GAS7: variants seen among roughly 807,000 people sequenced by gnomAD.
The protein encoded by GAS7 is growth arrest-specific protein 7.
In GAS7, 28 loss-of-function variants were observed where a neutral mutation model predicts 71.1. The ratio of observed to expected loss-of-function variants is 0.39; its 90% CI spans 0.29 to 0.54. The LOEUF (loss-of-function observed/expected upper bound fraction) is 0.54, where lower values mean the gene tolerates loss of function less well. Ranked by LOEUF, GAS7 falls within the 20% of genes least tolerant of loss-of-function variation. The pLI is 0.62. For synonymous variants in GAS7, 258 were observed against 245.8 expected (o/e 1.05, Z -0.46); for missense variants, 436 against 627.8 (o/e 0.69, Z 3.27).
At chr17:9,949,339 A>G (rs1288116495) in intron 5 of GAS7, among the ~76,000 whole-genome samples, 1 of 152,216 alleles carries the variant, frequency 6.6e-6, no homozygotes, top group Non-Finnish European at 1.5e-5. Flanking sequence ...ACTTTTATGC[A>G]AAGTGTCTCC....
intron 1 of GAS7, chr17:10,039,904 G>T: frequency 3.3e-6 from 1 of 299,722 alleles, no homozygotes; most frequent in South Asian, 2.5e-5. Context: ...TTCTGTGTCC[G>T]CATCCCACCT....
intron 1 of GAS7, among the ~76,000 whole-genome samples, chr17:10,046,115 C>T (rs1382395635): frequency 6.6e-6 from 1 of 152,152 alleles, no homozygotes; most frequent in Non-Finnish European, 1.5e-5. Flanking sequence ...GCAGCATCCA[C>T]AAAGTGGTTC....
At chr17:9,966,230 C>T (rs2069708612) in intron 4 of GAS7, among the ~76,000 whole-genome samples, 1 of 151,926 alleles carries the variant, frequency 6.6e-6, no homozygotes, top group South Asian at 2.1e-4. Context: ...GATCTCCTGA[C>T]CTCCTGATCT....
At chr17:10,039,675 C>G (rs2072825533) in intron 1 of GAS7, 1 of 449,948 alleles carries the variant, frequency 2.2e-6, no homozygotes, top group African/African-American at 2.0e-5. Flanking sequence ...AGAGTGAGAC[C>G]CTGTCTCAAA....
At chr17:9,929,073 T>C (rs2068115076) in intron 9 of GAS7, among the ~76,000 whole-genome samples, 1 of 152,130 alleles carries the variant, frequency 6.6e-6, no homozygotes, top group Non-Finnish European at 1.5e-5. Flanking sequence ...GCTACAAAAA[T>C]CTTGAGAGCT....
intron 1 of GAS7, among the ~76,000 whole-genome samples, chr17:10,052,170 C>G (rs1358701489): frequency 6.6e-6 from 1 of 152,140 alleles, no homozygotes; most frequent in Non-Finnish European, 1.5e-5. Context: ...GCCCCAGAAA[C>G]AAACCTGGTC....
At chr17:10,087,695 G>T (rs2073534711) in intron 1 of GAS7, among the ~76,000 whole-genome samples, 1 of 152,202 alleles carries the variant, frequency 6.6e-6, no homozygotes, top group African/African-American at 2.4e-5. Flanking sequence ...GGGTCCTGGG[G>T]GAGATTGAAC....
At chr17:9,998,649 G>T (rs745307624) in intron 2 of GAS7, among the ~76,000 whole-genome samples, 7 of 150,426 alleles carry the variant, frequency 4.7e-5, no homozygotes, top group Non-Finnish European at 1.0e-4. Flanking sequence ...CAGAAAGACA[G>T]AAAGAAGGAC....
intron 5 of GAS7, among the ~76,000 whole-genome samples, chr17:9,956,985 G>A (rs993377593): frequency 1.1e-4 from 16 of 152,208 alleles, no homozygotes; most frequent in Admixed American, 3.3e-4. Flanking sequence ...AAGGCCTGGA[G>A]ACCTGTGGGC....
At chr17:9,985,637 G>A (rs1180662800) in intron 2 of GAS7, among the ~76,000 whole-genome samples, 1 of 152,220 alleles carries the variant, frequency 6.6e-6, no homozygotes, top group Non-Finnish European at 1.5e-5. Flanking sequence ...TCTAGCTGCA[G>A]AGGCTCATAG....
At chr17:9,997,766 G>A (rs959154136) in intron 2 of GAS7, among the ~76,000 whole-genome samples, 1 of 152,238 alleles carries the variant, frequency 6.6e-6, no homozygotes, top group African/African-American at 2.4e-5. Flanking sequence ...CCACGGGTTC[G>A]ATTCCTTTGC....
intron 1 of GAS7, among the ~76,000 whole-genome samples, chr17:10,148,722 T>C (rs1333625811): frequency 6.6e-6 from 1 of 150,838 alleles, no homozygotes; most frequent in Non-Finnish European, 1.5e-5. Context: ...CCATCCTGGC[T>C]AACACGGTGA....
intron 1 of GAS7, among the ~76,000 whole-genome samples, chr17:10,186,482 T>C (rs79015029): frequency 0.055 from 8,170 of 149,630 alleles, 379 homozygotes; most frequent in East Asian, 0.16. Context: ...TGGCTCACTG[T>C]AACCTCCACC....
rs1316149654 is a variant in GAS7 at position 9,968,053 on chromosome 17, G to A, written c.471+1624C>T. The stretch of plus-strand genomic sequence containing the variant: ...TGTTTCTCATATTCTTCCTGATGAT[G>A]CCCAGGGTAACACCAGATTTCTGTC... On this transcript the variant is annotated intron_variant, in intron 4 of 13. Transcript: ENST00000432992. Among the ~76,000 whole-genome samples, 4 of 152,170 alleles carry A rather than the reference G, an allele frequency of 2.6e-5. No individual in the cohort carries two copies. The East Asian group carries it at 7.7e-4, about 29-fold the overall frequency.
chr17:10,075,402 T>C (rs2073379804), intron 1 of GAS7, among the ~76,000 whole-genome samples: 1 of 151,818 alleles, frequency 6.6e-6, no homozygotes, highest in African/African-American at 2.4e-5. Flanking sequence ...TCATACTTAA[T>C]GGAAAACCCT....
chr17:9,934,069 G>GA, intron 9 of GAS7, 97 bp downstream of exon 9: 1 of 851,184 alleles, frequency 1.2e-6, no homozygotes, highest in African/African-American at 1.6e-5. Context: ...TTACACCAGG[G>GA]AAAATGGCAA....
intron 1 of GAS7, among the ~76,000 whole-genome samples, chr17:10,081,891 A>G (rs1376175589): frequency 6.6e-6 from 1 of 152,190 alleles, no homozygotes; most frequent in Non-Finnish European, 1.5e-5. Context: ...TCAGACCCAG[A>G]TATTTTCCTT....
chr17:10,173,527 G>C lies in GAS7; in HGVS notation c.183+24681C>G, dbSNP rs550971064. ...CTCACGCCTATAATTCCAGCACTTTGGTAGGCAGAGATGGGCGGATCACAA... is the reference window on the plus strand; with the variant it reads ...CTCACGCCTATAATTCCAGCACTTTCGTAGGCAGAGATGGGCGGATCACAA... On this transcript the variant is annotated intron_variant, in intron 1 of 13. Transcript: ENST00000432992. Among the ~76,000 whole-genome samples the C allele has an allele frequency of 9.2e-5, 14 of 151,930 alleles. No individual in the cohort carries two copies. In the East Asian group the frequency reaches 2.7e-3, roughly 30 times the overall value.
At chr17:10,059,467 G>A (rs2073193224) in intron 1 of GAS7, among the ~76,000 whole-genome samples, 1 of 152,072 alleles carries the variant, frequency 6.6e-6, no homozygotes, top group Non-Finnish European at 1.5e-5. Context: ...TTGGGTCATG[G>A]TGCGACCCAG....
Sources: allele counts gnomAD v4.1 joint callset (sites outside exome capture counted in the v4.1 genomes callset), GRCh38; gene constraint gnomAD v4.1.1; transcripts MANE v1.5; gene names NCBI Gene and HGNC (gene_info 2026-07-23, HGNC 2026-07-21).